CSMD2: variants seen among roughly 807,000 people sequenced by gnomAD.
CSMD2 encodes the protein CUB and sushi domain-containing protein 2.
CSMD2 carries 130 observed loss-of-function variants against 398.5 expected under a neutral mutation model. The ratio of observed to expected loss-of-function variants is 0.33; its 90% CI spans 0.28 to 0.38. The LOEUF (loss-of-function observed/expected upper bound fraction) is 0.38, where lower values mean the gene tolerates loss of function less well. Among genes scored for constraint, CSMD2 ranks in the 10% least tolerant of loss-of-function variants. The pLI, the probability that CSMD2 is intolerant of heterozygous loss-of-function variation, is 1.00. For missense variants in CSMD2, 3,829 were observed against 4,764.9 expected, an observed-to-expected ratio of 0.80 and a Z score of 5.78; for synonymous variants, 1,828 against 1,908.5, an observed-to-expected ratio of 0.96 and a Z score of 1.10.
At chr1:33,784,418 G>A (rs1346971644) in intron 12 of CSMD2, among the ~76,000 whole-genome samples, 2 of 152,126 alleles carry the variant, frequency 1.3e-5, no homozygotes, top group African/African-American at 2.4e-5. Flanking sequence ...GATGGGCTTT[G>A]CCCCTCATAT....
chr1:33,936,330 C>G (rs1361368624), intron 3 of CSMD2, among the ~76,000 whole-genome samples: 1 of 152,238 alleles, frequency 6.6e-6, no homozygotes, highest in Non-Finnish European at 1.5e-5. Context: ...CTCCACACTC[C>G]TCACTAAATA....
At chr1:33,610,915 G>T in intron 41 of CSMD2, 126 bp downstream of exon 41, 2 of 839,964 alleles carry the variant, frequency 2.4e-6, no homozygotes, top group Non-Finnish European at 1.9e-6. Context: ...CCCTGACTGG[G>T]CCTGCCACCG....
chr1:33,780,434 AATGGAGGT>A (rs1299852463), intron 12 of CSMD2, among the ~76,000 whole-genome samples: 1 of 152,110 alleles, frequency 6.6e-6, no homozygotes, highest in African/African-American at 2.4e-5. Context: ...CCACAAGTGG[AATGGAGGT>A]ATGGCTGGAT....
At chr1:34,080,086 GA>G (rs897663580) in intron 2 of CSMD2, among the ~76,000 whole-genome samples, 32 of 81,316 alleles carry the variant, frequency 3.9e-4, no homozygotes, top group Middle Eastern at 7.8e-3. Flanking sequence ...ATATCTGAAA[GA>G]AAAAAAGAGT....
At chr1:34,077,452 G>A (rs1230227026) in intron 2 of CSMD2, among the ~76,000 whole-genome samples, 1 of 61,812 alleles carries the variant, frequency 1.6e-5, no homozygotes, top group Non-Finnish European at 2.8e-5. Context: ...GCGGAACTCC[G>A]TCTCAAAAAA....
At chr1:34,067,679 C>T (rs1655264076) in intron 2 of CSMD2, among the ~76,000 whole-genome samples, 1 of 152,084 alleles carries the variant, frequency 6.6e-6, no homozygotes, top group Admixed American at 6.6e-5. Context: ...TTTGAGAAGC[C>T]CCTTTCCAGA....
chr1:33,899,859 G>A (rs1236615885), intron 5 of CSMD2, among the ~76,000 whole-genome samples: 1 of 152,208 alleles, frequency 6.6e-6, no homozygotes, highest in African/African-American at 2.4e-5. Flanking sequence ...ACTGCCAAAT[G>A]GCCCTGGGAC....
intron 3 of CSMD2, among the ~76,000 whole-genome samples, chr1:33,986,902 C>T (rs962183327): frequency 6.6e-6 from 1 of 152,132 alleles, no homozygotes; most frequent in African/African-American, 2.4e-5. Context: ...GTGCAAGCAT[C>T]TGGAGGAGGT....
At chr1:33,906,077 C>T (rs1156529397) in intron 5 of CSMD2, among the ~76,000 whole-genome samples, 7 of 152,200 alleles carry the variant, frequency 4.6e-5, no homozygotes, top group South Asian at 2.1e-4. Context: ...GCAACCCCCT[C>T]GAGCCTGGGT....
chr1:34,076,928 A>AATATATATATATATATATATAT (rs1177320523), intron 2 of CSMD2, among the ~76,000 whole-genome samples: 1 of 53,600 alleles, frequency 1.9e-5, no homozygotes, highest in Non-Finnish European at 3.2e-5. Context: ...AAAAAAAAAA[A>AATATATATATATATATATATAT]ATATATATAT....
intron 1 of CSMD2, among the ~76,000 whole-genome samples, chr1:34,090,597 G>T (rs1166314246): frequency 6.6e-6 from 1 of 151,266 alleles, no homozygotes; most frequent in Non-Finnish European, 1.5e-5. Context: ...TCTAAGTAAG[G>T]CTCACCTAGA....
chr1:33,761,449 C>T (rs1237477640), intron 13 of CSMD2, among the ~76,000 whole-genome samples: 2 of 152,206 alleles, frequency 1.3e-5, no homozygotes, highest in East Asian at 3.9e-4. Context: ...GTCAGCCAGA[C>T]ACAGGTATTA....
At chr1:34,065,036 A>T (rs1442989305) in intron 2 of CSMD2, among the ~76,000 whole-genome samples, 1 of 152,198 alleles carries the variant, frequency 6.6e-6, no homozygotes, top group East Asian at 1.9e-4. Flanking sequence ...CTCCCACAAT[A>T]TGTGGGAATT....
At chr1:33,923,486 A>C (rs1276788377) in intron 4 of CSMD2, among the ~76,000 whole-genome samples, 1 of 152,162 alleles carries the variant, frequency 6.6e-6, no homozygotes, top group Non-Finnish European at 1.5e-5. Flanking sequence ...TGGAACCATG[A>C]GTCAATTAAA....
At chr1:33,989,988 T>G (rs767677779) in intron 3 of CSMD2, among the ~76,000 whole-genome samples, 1 of 152,154 alleles carries the variant, frequency 6.6e-6, no homozygotes, top group South Asian at 2.1e-4. Context: ...TTTTATTGTA[T>G]ATTAATTACA....
intron 3 of CSMD2, among the ~76,000 whole-genome samples, chr1:33,965,792 TG>T (rs1645535541): frequency 6.6e-6 from 1 of 152,230 alleles, no homozygotes; most frequent in African/African-American, 2.4e-5. Flanking sequence ...GGTTCCTCGG[TG>T]ACCTGTGTGA....
intron 5 of CSMD2, among the ~76,000 whole-genome samples, chr1:33,888,756 T>TTTGTTTTTG (rs1553244527): frequency 6.7e-6 from 1 of 148,822 alleles, no homozygotes; most frequent in Non-Finnish European, 1.5e-5. Flanking sequence ...TCAACTGATT[T>TTTGTTTTTG]TTGTTGTTGT....
chr1:33,629,736 T>A (rs367607059), intron 32 of CSMD2, among the ~76,000 whole-genome samples: 2 of 146,898 alleles, frequency 1.4e-5, no homozygotes, highest in South Asian at 2.2e-4. Flanking sequence ...GATATTGATA[T>A]CTACAGGTTT....
intron 48 of CSMD2, 64 bp downstream of exon 48, chr1:33,580,687 CCA>C: frequency 6.3e-7 from 1 of 1,590,882 alleles, no homozygotes; most frequent in Non-Finnish European, 8.6e-7. Flanking sequence ...CGCCCGGTCT[CCA>C]CAGAGGAGCT....
Sources: gnomAD v4.1 joint callset for allele counts (sites outside exome capture counted in the v4.1 genomes callset) on GRCh38, gnomAD v4.1.1 for gene constraint, MANE v1.5 for transcripts, NCBI Gene and HGNC (gene_info 2026-07-23, HGNC 2026-07-21) for gene names.